The following SLC24A4 variants were observed in gnomAD, a reference collection of about 807,000 sequenced individuals.
The protein encoded by SLC24A4 is solute carrier family 24 member 4.
A neutral mutation model predicts 79.0 loss-of-function variants in SLC24A4; 53 were observed. The observed-to-expected ratio is 0.67, with a 90% CI of 0.54 to 0.84. SLC24A4 has a LOEUF of 0.84. Among genes scored for constraint, SLC24A4 ranks in the 40% least tolerant of loss-of-function variants. The pLI is 0.00. For missense variants in SLC24A4, 731 were observed against 822.0 expected, an observed-to-expected ratio of 0.89 and a Z score of 1.35; for synonymous variants, 323 against 323.8, an observed-to-expected ratio of 1.00 and a Z score of 0.03.
At chr14:92,492,595 A>C (rs530479773) in intron 16 of SLC24A4, among the ~76,000 whole-genome samples, 71 of 152,268 alleles carry the variant, frequency 4.7e-4, no homozygotes, top group African/African-American at 1.6e-3. Flanking sequence ...ACGTCGGAAT[A>C]ATTGAGGCCT....
chr14:92,373,596 C>G (rs1311489802), intron 2 of SLC24A4, among the ~76,000 whole-genome samples: 2 of 152,160 alleles, frequency 1.3e-5, no homozygotes, highest in African/African-American at 4.8e-5. Context: ...CACATCCGAA[C>G]AACTCAGGAC....
chr14:92,444,635 A>G (rs1232652103), intron 7 of SLC24A4, among the ~76,000 whole-genome samples: 2 of 152,184 alleles, frequency 1.3e-5, no homozygotes, highest in Non-Finnish European at 2.9e-5. Context: ...CGGGCTGATC[A>G]CTTGAGGTCA....
intron 12 of SLC24A4, among the ~76,000 whole-genome samples, chr14:92,458,799 A>G (rs1047810788): frequency 2.0e-5 from 3 of 152,216 alleles, no homozygotes; most frequent in African/African-American, 7.2e-5. Flanking sequence ...GGGAAAGGTC[A>G]GAGCTGCAGT....
Position 92,412,471 on chromosome 14 carries a change from A to G in SLC24A4, c.242-21441A>G, listed in dbSNP as rs116412277. Among the ~76,000 whole-genome samples, 1,274 of 152,256 alleles carry G rather than the reference A, an allele frequency of 8.4e-3. 19 individuals carry two copies. The highest frequency in any genetic ancestry group is 0.029 in the African/African-American group (1,206 of 41,542). ...CAACGCCCCGCACTCTGAGTAGCCT[A>G]CTGGTGTGATCTGGCTCTGATCTGC... On this transcript the variant is annotated intron_variant, in intron 2 of 16. Transcript: ENST00000532405.
chr14:92,383,409 G>A (rs538222362), intron 2 of SLC24A4, among the ~76,000 whole-genome samples: 18 of 152,152 alleles, frequency 1.2e-4, no homozygotes, highest in African/African-American at 4.3e-4. Flanking sequence ...ATGTCACAGA[G>A]GCTTTGCATG....
At chr14:92,492,341 T>A in intron 16 of SLC24A4, 101 bp downstream of exon 16, 9 of 1,138,438 alleles carry the variant, frequency 7.9e-6, no homozygotes, top group Non-Finnish European at 1.2e-5. Context: ...GTCACTTCCC[T>A]TGGTAGTGAA....
intron 3 of SLC24A4, among the ~76,000 whole-genome samples, chr14:92,438,434 C>G (rs1383901327): frequency 6.6e-6 from 1 of 150,930 alleles, no homozygotes; most frequent in African/African-American, 2.5e-5. Flanking sequence ...TGAGACTCCC[C>G]CCGCCATCTC....
intron 12 of SLC24A4, among the ~76,000 whole-genome samples, chr14:92,472,269 A>T (rs1894478495): frequency 1.3e-5 from 2 of 152,096 alleles, no homozygotes; most frequent in South Asian, 4.1e-4. Context: ...TCATTTCCAT[A>T]AGTTTTGGGG....
Position 92,449,199 on chromosome 14 carries a change from T to C in SLC24A4, c.863T>C (p.Val288Ala). The C allele has an allele frequency of 6.2e-7, 1 of 1,614,088 alleles. No individual in the cohort carries two copies. The highest frequency in any genetic ancestry group is 8.5e-7 in the Non-Finnish European group (1 of 1,180,020). The stretch of plus-strand genomic sequence containing the variant: ...GACGGTAGCTATGATGACCCTTCCG[T>C]GCCATTGCTGGGGCAAGGTAAGGCT... Reference protein sequence around the residue: ...FYDGSYDDPSVPLLGQVKEKP... With the variant: ...FYDGSYDDPSAPLLGQVKEKP... Residue 288 changes from valine (V) to alanine (A), a missense_variant, in exon 10 of 17, where the codon GTG becomes GCG. By Grantham distance (64) the Val-to-Ala change is moderately conservative. Transcript: ENST00000532405.
In SLC24A4 at chr14:92,449,062, C is replaced by T; in HGVS notation, c.738-12C>T. On this transcript the variant is annotated splice_polypyrimidine_tract_variant and intron_variant, in intron 9 of 16. Coordinates refer to ENST00000532405, the MANE Select transcript of SLC24A4 (RefSeq NM_153646.4). ...TCCATTGCCCTGACCTCCTGCCTCCCCTCGCTTCCAGGTACAATGTGAAGA... is the reference window on the plus strand; with the variant it reads ...TCCATTGCCCTGACCTCCTGCCTCCTCTCGCTTCCAGGTACAATGTGAAGA... The T allele has an allele frequency of 6.2e-7, 1 of 1,613,914 alleles. No individual in the cohort carries two copies. The highest frequency in any genetic ancestry group is 8.5e-7 in the Non-Finnish European group (1 of 1,179,860).
intron 2 of SLC24A4, among the ~76,000 whole-genome samples, chr14:92,352,511 G>A (rs953366712): frequency 4.6e-5 from 7 of 152,176 alleles, no homozygotes; most frequent in Admixed American, 6.5e-5. Context: ...TATGAGCTTC[G>A]ATAGTGAGCA....
chr14:92,398,164 C>T lies in SLC24A4; in HGVS notation c.242-35748C>T, dbSNP rs998362489. Among the ~76,000 whole-genome samples the T allele has an allele frequency of 6.6e-6, 1 of 152,184 alleles. No individual in the cohort carries two copies. Among genetic ancestry groups the T allele is most frequent in the African/African-American group, 2.4e-5 (1 of 41,446 alleles). ...CTTTGTTTTCATTTTTAAGATATGC[C>T]TGGTGTGTGCATGCCTAAGTTGGTT... On this transcript the variant is annotated intron_variant, in intron 2 of 16. Coordinates refer to ENST00000532405, the MANE Select transcript of SLC24A4 (RefSeq NM_153646.4). The surrounding 1 kb of genome is among the most constrained non-coding windows in gnomAD (Gnocchi z 4.1).
chr14:92,343,203 C>G (rs193156596), intron 2 of SLC24A4, among the ~76,000 whole-genome samples: 1 of 152,234 alleles, frequency 6.6e-6, no homozygotes. Context: ...ATAGCAGACC[C>G]AATTCCCCAT....
At chr14:92,479,511 T>C (rs1454240492) in intron 12 of SLC24A4, among the ~76,000 whole-genome samples, 1 of 152,224 alleles carries the variant, frequency 6.6e-6, no homozygotes, top group Non-Finnish European at 1.5e-5. Flanking sequence ...TTACATTGAT[T>C]GAATTGTATA....
In SLC24A4 at chr14:92,498,682, GAGA is replaced by G. The variant is rs1363233952; in HGVS notation, c.*5057_*5059del. 2.6e-5 allele frequency: 4 copies of G among 152,320 alleles called. No individual in the cohort carries two copies. The East Asian group carries it at 7.7e-4, about 29-fold the overall frequency. 9.4% of individuals were successfully genotyped at this position (152,320 alleles called of 1,614,324 possible). ...CCAGCTAATTTTTGGATTTTTAGTA[GAGA>G]AGGAGTTTCACCATGCTGACCAGGC... is the stretch of plus-strand genomic sequence containing the variant. On this transcript the variant is annotated 3_prime_UTR_variant, in exon 17 of 17. Coordinates refer to ENST00000532405, the MANE Select transcript of SLC24A4 (RefSeq NM_153646.4).
At chr14:92,333,847 G>C (rs1162291658) in intron 2 of SLC24A4, among the ~76,000 whole-genome samples, 1 of 152,016 alleles carries the variant, frequency 6.6e-6, no homozygotes, top group Non-Finnish European at 1.5e-5. Context: ...TCTGGTGGGG[G>C]TGGGACCCTG....
At chr14:92,474,086 A>C (rs1404177229) in intron 12 of SLC24A4, among the ~76,000 whole-genome samples, 1 of 152,194 alleles carries the variant, frequency 6.6e-6, no homozygotes, top group African/African-American at 2.4e-5. Flanking sequence ...TTTCCATTCC[A>C]GTAATGTTTC....
At chr14:92,339,533 C>A (rs1162084430) in intron 2 of SLC24A4, among the ~76,000 whole-genome samples, 2 of 152,198 alleles carry the variant, frequency 1.3e-5, no homozygotes, top group African/African-American at 4.8e-5. Flanking sequence ...TCAAGGTCTC[C>A]CAGCTCGGAA....
chr14:92,382,021 G>A (rs1009774816), intron 2 of SLC24A4, among the ~76,000 whole-genome samples: 1 of 151,948 alleles, frequency 6.6e-6, no homozygotes, highest in African/African-American at 2.4e-5. Flanking sequence ...TTATTGTAGC[G>A]ATTCAAACCC....
Sources: gnomAD v4.1 joint callset for allele counts (sites outside exome capture counted in the v4.1 genomes callset) on GRCh38, gnomAD v4.1.1 for gene constraint, Gnocchi (gnomAD v3.1) non-coding constraint, MANE v1.5 for transcripts, NCBI Gene and HGNC (gene_info 2026-07-23, HGNC 2026-07-21) for gene names.